Variants in KCNJ6 observed in about 807,000 individuals in gnomAD.
The protein encoded by KCNJ6 is G protein-activated inward rectifier potassium channel 2.
Under a neutral mutation model 34.2 loss-of-function variants are expected in KCNJ6, and 9 were observed. The observed-to-expected ratio is 0.26, with a 90% CI of 0.16 to 0.46. KCNJ6 has a LOEUF of 0.46. KCNJ6 is among the 20% of genes least tolerant of loss of function. The pLI is 1.00. For synonymous variants in KCNJ6, 196 were observed against 207.1 expected (o/e 0.95, Z 0.46); for missense variants, 236 against 531.3 (o/e 0.44, Z 5.46).
At chr21:37,645,904 G>T (rs1601401332) in intron 3 of KCNJ6, among the ~76,000 whole-genome samples, 2 of 96 alleles carry the variant, frequency 0.021, no homozygotes, top group Non-Finnish European at 0.04. Context: ...TCACTTCTTC[G>T]GACTTAACAG....
chr21:37,853,158 A>AC (rs1568872177), intron 1 of KCNJ6, among the ~76,000 whole-genome samples: 1 of 151,744 alleles, frequency 6.6e-6, no homozygotes, highest in African/African-American at 2.4e-5. Flanking sequence ...AAAAAAAAAA[A>AC]AACAACTACA....
chr21:37,797,445 C>G (rs946935092), intron 2 of KCNJ6, among the ~76,000 whole-genome samples: 3 of 152,180 alleles, frequency 2.0e-5, no homozygotes, highest in Admixed American at 2.0e-4. Flanking sequence ...TGACAATCCA[C>G]AAAACCCAGT....
At chr21:37,756,496 C>G (rs1288818273) in intron 2 of KCNJ6, among the ~76,000 whole-genome samples, 1 of 152,180 alleles carries the variant, frequency 6.6e-6, no homozygotes, top group Non-Finnish European at 1.5e-5. Context: ...GACATCTCCC[C>G]GCTATGCTGG....
intron 3 of KCNJ6, among the ~76,000 whole-genome samples, chr21:37,667,264 T>G (rs2835885): frequency 0.42 from 63,091 of 150,560 alleles, 13,360 homozygotes; most frequent in African/African-American, 0.47. Context: ...GTTCCTTTTG[T>G]TCCCTCTTCA....
At chr21:37,648,894 G>T (rs927371572) in intron 3 of KCNJ6, among the ~76,000 whole-genome samples, 1 of 152,054 alleles carries the variant, frequency 6.6e-6, no homozygotes, top group African/African-American at 2.4e-5. Flanking sequence ...CACTTCGGGA[G>T]GCTAAGGCGG....
chr21:37,694,966 G>C (rs541804692), intron 3 of KCNJ6, among the ~76,000 whole-genome samples: 10 of 152,340 alleles, frequency 6.6e-5, no homozygotes, highest in Admixed American at 5.9e-4. Context: ...CTCTATCTGG[G>C]ACTTCCAGCC....
At chr21:37,840,199 C>T (rs1292699956) in intron 2 of KCNJ6, among the ~76,000 whole-genome samples, 2 of 152,198 alleles carry the variant, frequency 1.3e-5, no homozygotes, top group Non-Finnish European at 2.9e-5. Context: ...ATTTATACTG[C>T]AAGCACTCCA....
At chr21:37,740,308 G>C (rs2054934399) in intron 2 of KCNJ6, among the ~76,000 whole-genome samples, 1 of 152,142 alleles carries the variant, frequency 6.6e-6, no homozygotes, top group African/African-American at 2.4e-5. Context: ...CCCGAAGTCT[G>C]ATAAGAATCG....
chr21:37,704,763 A>C (rs1361783460), intron 3 of KCNJ6, among the ~76,000 whole-genome samples: 1 of 152,138 alleles, frequency 6.6e-6, no homozygotes, highest in East Asian at 1.9e-4. Flanking sequence ...ATCAAAGCCT[A>C]TATCTTTTTA....
chr21:37,860,709 A>G (rs545475676), intron 1 of KCNJ6, among the ~76,000 whole-genome samples: 4 of 150,774 alleles, frequency 2.7e-5, no homozygotes, highest in Admixed American at 6.6e-5. Context: ...CTCTCCCACT[A>G]CCCCCCTGGA....
chr21:37,767,291 G>A (rs1014859125), intron 2 of KCNJ6, among the ~76,000 whole-genome samples: 7 of 152,180 alleles, frequency 4.6e-5, no homozygotes, highest in African/African-American at 7.2e-5. Context: ...TAAGCATGTC[G>A]TCATTTGTGT....
chr21:37,644,879 A>G (rs2054396545), intron 3 of KCNJ6, among the ~76,000 whole-genome samples: 1 of 152,138 alleles, frequency 6.6e-6, no homozygotes, highest in Non-Finnish European at 1.5e-5. Context: ...TGGCGAAACA[A>G]TAGCCGGACT....
intron 2 of KCNJ6, among the ~76,000 whole-genome samples, chr21:37,762,105 ACCTAT>A (rs1369094898): frequency 2.0e-5 from 3 of 152,140 alleles, no homozygotes. Flanking sequence ...GCAGGATTGC[ACCTAT>A]CCTCTGAGCT....
At chr21:37,807,478 C>T (rs1057292315) in intron 2 of KCNJ6, among the ~76,000 whole-genome samples, 3 of 152,324 alleles carry the variant, frequency 2.0e-5, no homozygotes, top group Non-Finnish European at 4.4e-5. Flanking sequence ...CGCATAACAA[C>T]GTTTCTGTCA....
chr21:37,707,534 C>T (rs1286266118), intron 3 of KCNJ6, among the ~76,000 whole-genome samples: 1 of 152,046 alleles, frequency 6.6e-6, no homozygotes, highest in Non-Finnish European at 1.5e-5. Flanking sequence ...TGGCCTGATG[C>T]TGTAAATGAC....
chr21:37,806,099 T>C (rs1367061513), intron 2 of KCNJ6, among the ~76,000 whole-genome samples: 5 of 152,234 alleles, frequency 3.3e-5, no homozygotes, highest in Non-Finnish European at 7.3e-5. Context: ...ATTACTCTTC[T>C]GCTTCTATGT....
chr21:37,748,491 G>C (rs561733908), intron 2 of KCNJ6, among the ~76,000 whole-genome samples: 1 of 152,158 alleles, frequency 6.6e-6, no homozygotes, highest in Non-Finnish European at 1.5e-5. Context: ...ATCTCTAGAA[G>C]TCTTAACAGT....
chr21:37,716,201 G>GGTAA (rs1569450985), intron 2 of KCNJ6, among the ~76,000 whole-genome samples: 2 of 152,050 alleles, frequency 1.3e-5, no homozygotes, highest in South Asian at 2.1e-4. Flanking sequence ...GGTTTTTGTC[G>GGTAA]GTAAGTATGC....
intron 1 of KCNJ6, among the ~76,000 whole-genome samples, chr21:37,869,759 T>A (rs2055640971): frequency 6.6e-6 from 1 of 152,236 alleles, no homozygotes; most frequent in South Asian, 2.1e-4. Context: ...AAAATCCTAT[T>A]TAGGCTCCTT....
Sources: allele counts gnomAD v4.1 joint callset (sites outside exome capture counted in the v4.1 genomes callset), GRCh38; gene constraint gnomAD v4.1.1; transcripts MANE v1.5; gene names NCBI Gene and HGNC (gene_info 2026-07-23, HGNC 2026-07-21).